Variants in EDN3 observed in about 807,000 individuals in gnomAD.
EDN3 encodes endothelin 3, also known as endothelin-3.
EDN3 carries 9 observed loss-of-function variants against 21.4 expected under a neutral mutation model. That is an observed-to-expected ratio of 0.42 (90% CI 0.25 to 0.73). The LOEUF is 0.73. EDN3 is among the 30% of genes least tolerant of loss of function. The pLI is 0.26. For synonymous variants in EDN3, 133 were observed against 126.2 expected (o/e 1.05, Z -0.36); for missense variants, 327 against 309.4 (o/e 1.06, Z -0.43).
intron 2 of EDN3, among the ~76,000 whole-genome samples, chr20:59,316,019 A>G (rs1221460247): frequency 6.6e-6 from 1 of 152,078 alleles, no homozygotes; most frequent in African/African-American, 2.4e-5. Context: ...CCCTGTCTCT[A>G]CTAAAAATAC....
At chr20:59,313,729 C>T (rs1295433782) in intron 2 of EDN3, among the ~76,000 whole-genome samples, 1 of 152,202 alleles carries the variant, frequency 6.6e-6, no homozygotes, top group African/African-American at 2.4e-5. Context: ...TTTTCTGCAG[C>T]AGAAGGAAAG....
intron 2 of EDN3, among the ~76,000 whole-genome samples, chr20:59,318,747 C>A (rs986262035): frequency 6.6e-6 from 1 of 152,236 alleles, no homozygotes; most frequent in Non-Finnish European, 1.5e-5. Context: ...TAACAAATAC[C>A]ATGTTGCCTT....
In EDN3 at chr20:59,300,896, C is replaced by A. The variant is rs773083540; in HGVS notation, c.52+32C>A. The stretch of plus-strand genomic sequence containing the variant: ...GCACGGGGCGGCGCGCCTCTCCTGG[C>A]GCGAGCGCACACAAAAGGACCCAGG... On this transcript the variant is annotated intron_variant, in intron 1 of 4. Transcript: ENST00000337938. 85 of 1,606,490 alleles carry A rather than the reference C, an allele frequency of 5.3e-5. No individual in the cohort carries two copies. The Middle Eastern group carries it at 5.7e-4, about 11-fold the overall frequency.
intron 2 of EDN3, among the ~76,000 whole-genome samples, chr20:59,313,078 GA>G (rs2146851741): frequency 6.6e-6 from 1 of 152,234 alleles, no homozygotes; most frequent in Admixed American, 6.5e-5. Flanking sequence ...GGTTTTCTAG[GA>G]AAACCCCTCA....
chr20:59,323,532 TG>T (rs1990671950), intron 4 of EDN3: 2 of 398,182 alleles, frequency 5.0e-6, no homozygotes, highest in Non-Finnish European at 8.8e-6. Flanking sequence ...GCTTAACTAG[TG>T]GGGATGCAGA....
chr20:59,314,875 G>C (rs1990074867), intron 2 of EDN3, among the ~76,000 whole-genome samples: 1 of 152,190 alleles, frequency 6.6e-6, no homozygotes, highest in South Asian at 2.1e-4. Flanking sequence ...TCCATGTGTT[G>C]TGCGTAGCAG....
At chr20:59,314,339 A>C (rs1990038141) in intron 2 of EDN3, among the ~76,000 whole-genome samples, 1 of 152,200 alleles carries the variant, frequency 6.6e-6, no homozygotes, top group African/African-American at 2.4e-5. Context: ...CCATCTCATG[A>C]AAGTGAGGTC....
At chr20:59,307,609 G>C (rs556236731) in intron 2 of EDN3, among the ~76,000 whole-genome samples, 1 of 152,330 alleles carries the variant, frequency 6.6e-6, no homozygotes, top group African/African-American at 2.4e-5. Flanking sequence ...ACCTGGGTCA[G>C]TATTGAATGG....
rs1458127837 is a variant in EDN3, at chr20:59,305,225, C to G, written c.365+3503C>G. 6.6e-6 allele frequency among the ~76,000 whole-genome samples: 1 copy of G among 152,216 alleles called. No individual in the cohort carries two copies. Among genetic ancestry groups the G allele is most frequent in the Non-Finnish European group, 1.5e-5 (1 of 68,036 alleles). The stretch of plus-strand genomic sequence containing the variant: ...CCATTAGCCTTTCCTTGGCTGTCCC[C>G]CACAGTCCCCAAGCCATCCCACCAC... On this transcript the variant is annotated intron_variant, in intron 2 of 4. Transcript: ENST00000337938. The surrounding 1 kb of genome is among the most constrained non-coding windows in gnomAD (Gnocchi z 4.2).
chr20:59,300,986 A>T, intron 1 of EDN3, 122 bp downstream of exon 1: 2 of 1,163,024 alleles, frequency 1.7e-6, no homozygotes, highest in Non-Finnish European at 2.4e-6. Context: ...TGGGCTCTGC[A>T]CTCGTGAAGA....
chr20:59,301,470 C>T lies in EDN3; in HGVS notation c.113C>T (p.Thr38Ile), dbSNP rs867121262. ...AGRRGVSQAP[T>I]AARSEGDCEE... ...AGGCGCGGCGTGTCCCAGGCCCCCA[C>T]TGCAGCCAGATCTGAGGGGGACTGT... Residue 38 changes from threonine to isoleucine, a missense_variant, in exon 2 of 5, where the codon ACT becomes ATT. Physicochemically the swap from Thr to Ile is moderately conservative, Grantham distance 89. Coordinates refer to ENST00000337938, the MANE Select transcript of EDN3 (RefSeq NM_207034.3). The T allele has an allele frequency of 3.1e-6, 5 of 1,613,328 alleles. No homozygotes were observed. In the Middle Eastern group the frequency reaches 5.0e-4, roughly 160 times the overall value.
chr20:59,315,547 C>T (rs1174630623), intron 2 of EDN3, among the ~76,000 whole-genome samples: 3 of 152,182 alleles, frequency 2.0e-5, no homozygotes, highest in South Asian at 4.1e-4. Flanking sequence ...ATGAAAACAA[C>T]ACCTCTATTT....
intron 2 of EDN3, among the ~76,000 whole-genome samples, chr20:59,319,627 A>G (rs1401345674): frequency 2.0e-5 from 3 of 151,826 alleles, no homozygotes; most frequent in Non-Finnish European, 4.4e-5. Context: ...TTGGGAGGCT[A>G]AGGCAGGAGA....
In EDN3 at chr20:59,324,587, C is replaced by T; in HGVS notation, c.*128C>T. ...GCAGAACACCCACCCAAAGAGTCCC[C>T]ACTTAACAATACCCCCCCCCCACGG... On this transcript the variant is annotated 3_prime_UTR_variant, in exon 5 of 5. Transcript: ENST00000337938. 1.5e-6 allele frequency: 2 copies of T among 1,320,768 alleles called. No individual in the cohort carries two copies. The highest frequency in any genetic ancestry group is 2.1e-6 in the Non-Finnish European group (2 of 949,630). The allele number at this position is 1,320,768 out of a possible 1,614,324, so 81.8% of individuals were successfully genotyped here.
At chr20:59,318,442 G>A (rs939298558) in intron 2 of EDN3, among the ~76,000 whole-genome samples, 2 of 152,214 alleles carry the variant, frequency 1.3e-5, no homozygotes, top group African/African-American at 2.4e-5. Flanking sequence ...TTATCAGATC[G>A]ATTGAAACCT....
chr20:59,301,805 C>T (rs1989063791), intron 2 of EDN3, 83 bp downstream of exon 2: 11 of 1,480,076 alleles, frequency 7.4e-6, no homozygotes, highest in Non-Finnish European at 1.0e-5. Context: ...TCACTCCACC[C>T]CAGCCCCGCT....
rs532626973 is a variant in EDN3, at chr20:59,318,853, C to G, written c.366-2164C>G. On this transcript the variant is annotated intron_variant, in intron 2 of 4. Coordinates refer to ENST00000337938, the MANE Select transcript of EDN3 (RefSeq NM_207034.3). ...TCAGCTGACAGCAGTTTCAAAATTG[C>G]AGGTCTCACTATTGATGGAGAAATG... 3.9e-5 allele frequency among the ~76,000 whole-genome samples: 6 copies of G among 152,300 alleles called. No homozygotes were observed. The South Asian group carries it at 1.2e-3, about 32-fold the overall frequency.
chr20:59,321,452 G>A (rs917124157), intron 3 of EDN3, among the ~76,000 whole-genome samples: 1 of 152,148 alleles, frequency 6.6e-6, no homozygotes, highest in African/African-American at 2.4e-5. Flanking sequence ...GCTACATCTG[G>A]TTTCCAGACA....
intron 2 of EDN3, among the ~76,000 whole-genome samples, chr20:59,314,281 G>C (rs2146855473): frequency 6.6e-6 from 1 of 152,304 alleles, no homozygotes; most frequent in Non-Finnish European, 1.5e-5. Flanking sequence ...GTCCTCAACA[G>C]CTGGGGAGAC....
Sources: allele counts gnomAD v4.1 joint callset (sites outside exome capture counted in the v4.1 genomes callset), GRCh38; gene constraint gnomAD v4.1.1; non-coding constraint Gnocchi (gnomAD v3.1); transcripts MANE v1.5; gene names NCBI Gene and HGNC (gene_info 2026-07-23, HGNC 2026-07-21).